LPP: variants seen among roughly 807,000 people sequenced by gnomAD.
LPP encodes lipoma-preferred partner.
LPP carries 38 observed loss-of-function variants against 60.4 expected under a neutral mutation model. That is an observed-to-expected ratio of 0.63 (90% CI 0.49 to 0.83). LPP has a LOEUF of 0.83. Ranked by LOEUF, LPP falls within the 40% of genes least tolerant of loss-of-function variation. The pLI, the probability that LPP is intolerant of heterozygous loss-of-function variation, is 0.00. For synonymous variants in LPP, 328 were observed against 290.8 expected, an observed-to-expected ratio of 1.13 and a Z score of -1.30; for missense variants, 902 against 783.6, an observed-to-expected ratio of 1.15 and a Z score of -1.80.
chr3:188,170,002 G>T (rs1157079337), intron 1 of LPP, among the ~76,000 whole-genome samples: 1 of 152,218 alleles, frequency 6.6e-6, no homozygotes, highest in African/African-American at 2.4e-5. Context: ...AGGCAGAGAG[G>T]CCTGGAGGGT....
At chr3:188,310,115 A>G (rs558857974) in intron 2 of LPP, among the ~76,000 whole-genome samples, 20 of 152,250 alleles carry the variant, frequency 1.3e-4, no homozygotes, top group African/African-American at 4.3e-4. Flanking sequence ...TGCTGTGAGG[A>G]TGCATCAGCT....
At chr3:188,389,845 G>T (rs1184497352) in intron 3 of LPP, among the ~76,000 whole-genome samples, 1 of 150,106 alleles carries the variant, frequency 6.7e-6, no homozygotes, top group Admixed American at 6.6e-5. Context: ...AAGAAATCTG[G>T]GTGAGTTGTT....
intron 7 of LPP, among the ~76,000 whole-genome samples, chr3:188,611,759 G>A (rs1843758619): frequency 6.6e-6 from 1 of 152,224 alleles, no homozygotes; most frequent in Admixed American, 6.5e-5. Flanking sequence ...CTCACCTGGT[G>A]AGAGGTACTG....
intron 2 of LPP, among the ~76,000 whole-genome samples, chr3:188,340,396 C>CTTTTT (rs5855188): frequency 1.7e-5 from 2 of 116,622 alleles, no homozygotes; most frequent in Admixed American, 8.8e-5. Flanking sequence ...CAATCATGCT[C>CTTTTT]TTTTTTTTTT....
At chr3:188,395,135 G>A (rs1347942613) in intron 3 of LPP, among the ~76,000 whole-genome samples, 1 of 151,966 alleles carries the variant, frequency 6.6e-6, no homozygotes, top group African/African-American at 2.4e-5. Context: ...TATATCTCTG[G>A]TACCACTTTA....
At chr3:188,835,341 C>G (rs1040786499) in intron 9 of LPP, among the ~76,000 whole-genome samples, 3 of 150,006 alleles carry the variant, frequency 2.0e-5, no homozygotes, top group Admixed American at 6.7e-5. Context: ...TGGTGGCAGA[C>G]GCCTGTAATC....
At chr3:188,239,221 T>C (rs1417618003) in intron 2 of LPP, among the ~76,000 whole-genome samples, 1 of 152,226 alleles carries the variant, frequency 6.6e-6, no homozygotes, top group Non-Finnish European at 1.5e-5. Flanking sequence ...GCCTGGGCCC[T>C]GGGTGCAGAT....
At chr3:188,603,539 G>A (rs1403621000) in intron 6 of LPP, among the ~76,000 whole-genome samples, 1 of 151,976 alleles carries the variant, frequency 6.6e-6, no homozygotes, top group African/African-American at 2.4e-5. Flanking sequence ...TGGAAAATGA[G>A]GATTGGTTTC....
chr3:188,387,479 G>A (rs923748246), intron 3 of LPP, among the ~76,000 whole-genome samples: 9 of 151,788 alleles, frequency 5.9e-5, no homozygotes, highest in Admixed American at 4.6e-4. Context: ...ATTTTGCGAT[G>A]ATTAACATTT....
Position 188,543,488 on chromosome 3 carries a change from C to T in LPP, c.429+18701C>T, listed in dbSNP as rs371873762. On this transcript the variant is annotated intron_variant, in intron 6 of 11. Coordinates refer to ENST00000617246, the MANE Select transcript of LPP (RefSeq NM_001375462.1). ...TCTGCACTTGTATCTGAAGGTTCAA[C>T]GGGAGAACGATCAGCTTCCTTGCTT... Among the ~76,000 whole-genome samples, 39 of 152,228 alleles carry T rather than the reference C, an allele frequency of 2.6e-4. No individual in the cohort carries two copies. The East Asian group carries it at 5.6e-3, about 22-fold the overall frequency.
chr3:188,603,162 A>G (rs183915930), intron 6 of LPP, among the ~76,000 whole-genome samples: 3 of 152,036 alleles, frequency 2.0e-5, no homozygotes, highest in East Asian at 1.9e-4. Flanking sequence ...TTAACAGAGT[A>G]AACTCTTCAG....
In LPP at chr3:188,376,183, C is replaced by G. The variant is rs557821141; in HGVS notation, c.-9-29929C>G. On this transcript the variant is annotated intron_variant, in intron 3 of 11. Coordinates refer to ENST00000617246, the MANE Select transcript of LPP (RefSeq NM_001375462.1). ...GTGCTGAAAAAAATGTGTATTCTGT[C>G]GATTTGGGGTGGAGAGTTCTGTAGA... 6.4e-3 allele frequency among the ~76,000 whole-genome samples: 973 copies of G among 152,034 alleles called. 1 individual carries two copies. Among genetic ancestry groups the G allele is most frequent in the Non-Finnish European group, 0.01 (713 of 67,972 alleles).
rs568326816 is a variant in LPP, at chr3:188,162,461, A to G, written c.-190+8209A>G. Among the ~76,000 whole-genome samples, 689 of 152,332 alleles carry G rather than the reference A, an allele frequency of 4.5e-3. 5 individuals are homozygous for G. The highest frequency in any genetic ancestry group is 0.016 in the African/African-American group (654 of 41,586). ...TATTATTATTTCACTAGTACTAATT[A>G]GTAGCATTAGGTGACTATATTCAAG... On this transcript the variant is annotated intron_variant, in intron 1 of 11. Transcript: ENST00000617246.
chr3:188,445,239 C>G (rs1345134612), intron 4 of LPP, among the ~76,000 whole-genome samples: 3 of 152,098 alleles, frequency 2.0e-5, no homozygotes, highest in Admixed American at 2.0e-4. Flanking sequence ...GGAACCAACC[C>G]AAATGCCCAT....
intron 6 of LPP, among the ~76,000 whole-genome samples, chr3:188,531,115 C>T (rs978236701): frequency 5.9e-5 from 9 of 151,984 alleles, no homozygotes; most frequent in East Asian, 1.9e-4. Context: ...AACTGTCTTA[C>T]GTTAATATTT....
intron 6 of LPP, among the ~76,000 whole-genome samples, chr3:188,604,418 T>C (rs1842019961): frequency 6.6e-6 from 1 of 152,032 alleles, no homozygotes; most frequent in Admixed American, 6.6e-5. Flanking sequence ...GGGATTTGAG[T>C]CAGCATCAAG....
At chr3:188,821,244 A>G (rs184204935) in intron 9 of LPP, among the ~76,000 whole-genome samples, 1 of 151,054 alleles carries the variant, frequency 6.6e-6, no homozygotes, top group East Asian at 1.9e-4. Flanking sequence ...ACATGTTTTT[A>G]AAACAGTGGT....
chr3:188,220,681 C>A (rs1458304028), intron 1 of LPP, among the ~76,000 whole-genome samples: 6 of 152,174 alleles, frequency 3.9e-5, no homozygotes, highest in Non-Finnish European at 8.8e-5. Context: ...TCTTCTGATT[C>A]AAGGAGTTGG....
In LPP at chr3:188,378,111, C is replaced by A. The variant is rs185277563; in HGVS notation, c.-9-28001C>A. On this transcript the variant is annotated intron_variant, in intron 3 of 11. Coordinates refer to ENST00000617246, the MANE Select transcript of LPP (RefSeq NM_001375462.1). ...CCCGGCCGTGTGAGGTGTCCGTCTG[C>A]CCCTACTGGGGGGTGCCTCCCAGTT... is the stretch of plus-strand genomic sequence containing the variant. 1.3e-3 allele frequency among the ~76,000 whole-genome samples: 205 copies of A among 152,318 alleles called. 1 individual carries two copies. The highest frequency in any genetic ancestry group is 4.7e-3 in the African/African-American group (194 of 41,580).
Sources: gnomAD v4.1 joint callset for allele counts (sites outside exome capture counted in the v4.1 genomes callset) on GRCh38, gnomAD v4.1.1 for gene constraint, MANE v1.5 for transcripts, NCBI Gene and HGNC (gene_info 2026-07-23, HGNC 2026-07-21) for gene names.